Variants in CEMIP2 observed in about 807,000 individuals in gnomAD.
The protein encoded by CEMIP2 is cell surface hyaluronidase CEMIP2.
CEMIP2 carries 79 observed loss-of-function variants against 146.9 expected under a neutral mutation model. The observed-to-expected ratio is 0.54, with a 90% CI of 0.45 to 0.65. The LOEUF is 0.65. CEMIP2 is among the 30% of genes least tolerant of loss of function. The probability of loss-of-function intolerance (pLI) is 0.00; values close to 1 mark genes in which losing one functional copy is unlikely to be tolerated. For missense variants in CEMIP2, 1,596 were observed against 1,696.2 expected (o/e 0.94, Z 1.04); for synonymous variants, 601 against 606.3 (o/e 0.99, Z 0.13).
intron 20 of CEMIP2, among the ~76,000 whole-genome samples, chr9:71,694,958 C>T (rs1234637207): frequency 6.6e-6 from 1 of 152,002 alleles, no homozygotes; most frequent in African/African-American, 2.4e-5. Flanking sequence ...GACCATGGTC[C>T]CTCAGTCACT....
At chr9:71,706,323 T>C (rs780300111) in intron 17 of CEMIP2, among the ~76,000 whole-genome samples, 1 of 151,958 alleles carries the variant, frequency 6.6e-6, no homozygotes, top group Non-Finnish European at 1.5e-5. Context: ...ATCCAATTGC[T>C]CCCATTTTTG....
At chr9:71,747,040 T>C (rs1824112029) in intron 2 of CEMIP2, among the ~76,000 whole-genome samples, 1 of 152,238 alleles carries the variant, frequency 6.6e-6, no homozygotes, top group Non-Finnish European at 1.5e-5. Flanking sequence ...AGTGTTCCTT[T>C]ACTGGAATTA....
intron 1 of CEMIP2, among the ~76,000 whole-genome samples, chr9:71,763,440 T>C (rs1337126522): frequency 6.6e-6 from 1 of 152,242 alleles, no homozygotes; most frequent in Non-Finnish European, 1.5e-5. Context: ...TCTTTTCTCA[T>C]GGGCTCAATG....
At chr9:71,732,994 A>C (rs1350003903) in intron 6 of CEMIP2, among the ~76,000 whole-genome samples, 1 of 152,066 alleles carries the variant, frequency 6.6e-6, no homozygotes, top group African/African-American at 2.4e-5. Context: ...TCTGGAATCT[A>C]ATGATCTATA....
chr9:71,721,325 A>G (rs911975681), intron 12 of CEMIP2, among the ~76,000 whole-genome samples: 2 of 152,100 alleles, frequency 1.3e-5, no homozygotes, highest in African/African-American at 2.4e-5. Flanking sequence ...ATTGTCATCT[A>G]TATACTCTTT....
In CEMIP2 at chr9:71,694,545, T is replaced by C; in HGVS notation, c.3660A>G (p.Lys1220=). 2 of 1,614,018 alleles carry C rather than the reference T, an allele frequency of 1.2e-6. No individual in the cohort carries two copies. The highest frequency in any genetic ancestry group is 1.1e-5 in the South Asian group (1 of 91,062). ...ACGGGTCTCCACGCTGGGTTTCTGC[T>C]TTATCAGGTGACTGGAATTGCACAG... ...YLPVQFQSPD[K]AETQRGDPSV... Residue 1220 remains lysine (K), a synonymous_variant, in exon 21 of 24, where the codon AAA becomes AAG. Coordinates refer to ENST00000377044, the MANE Select transcript of CEMIP2 (RefSeq NM_013390.3).
At chr9:71,755,120 A>T (rs576998735) in intron 1 of CEMIP2, among the ~76,000 whole-genome samples, 27 of 152,130 alleles carry the variant, frequency 1.8e-4, no homozygotes, top group Non-Finnish European at 3.1e-4. Flanking sequence ...ATTTGGTAAT[A>T]AATTACAGTA....
At position 71,685,127 on chromosome 9, in the gene CEMIP2, T is replaced by C; in HGVS notation, c.*70A>G. The stretch of plus-strand genomic sequence containing the variant: ...GTTCCGTTGGGTTAACAGTGTCATT[T>C]TAAAATGCCATAAATTAAATAAGTT... On this transcript the variant is annotated 3_prime_UTR_variant, in exon 24 of 24. Coordinates refer to ENST00000377044, the MANE Select transcript of CEMIP2 (RefSeq NM_013390.3). The C allele has an allele frequency of 7.0e-7, 1 of 1,421,282 alleles. No individual in the cohort carries two copies. Among genetic ancestry groups the C allele is most frequent in the South Asian group, 1.6e-5 (1 of 64,514 alleles). 88.0% of individuals were successfully genotyped at this position (1,421,282 alleles called of 1,614,324 possible).
At chr9:71,735,241 T>C (rs947532233) in intron 5 of CEMIP2, among the ~76,000 whole-genome samples, 3 of 152,092 alleles carry the variant, frequency 2.0e-5, no homozygotes, top group African/African-American at 7.2e-5. Context: ...GAACACAAGA[T>C]GTCACCTTAG....
chr9:71,747,841 A>T (rs186613513), intron 2 of CEMIP2, among the ~76,000 whole-genome samples: 45 of 152,322 alleles, frequency 3.0e-4, no homozygotes, highest in African/African-American at 1.0e-3. Context: ...TAGCCTCACC[A>T]GTTATATCCT....
chr9:71,711,422 T>C (rs1822901965), intron 16 of CEMIP2, among the ~76,000 whole-genome samples: 1 of 151,344 alleles, frequency 6.6e-6, no homozygotes, highest in South Asian at 2.1e-4. Context: ...TTTTTTTAAG[T>C]AGCCAGATGT....
chr9:71,694,161 T>C (rs916648584), intron 21 of CEMIP2, among the ~76,000 whole-genome samples: 2 of 151,786 alleles, frequency 1.3e-5, no homozygotes, highest in Admixed American at 1.3e-4. Flanking sequence ...CTCACTCTGT[T>C]GCACAGGCTG....
intron 13 of CEMIP2, among the ~76,000 whole-genome samples, chr9:71,717,694 G>A (rs1002953063): frequency 9.2e-5 from 14 of 152,082 alleles, no homozygotes; most frequent in Admixed American, 2.0e-4. Context: ...TTAAATTCCC[G>A]GTTTCTGTTC....
intron 17 of CEMIP2, among the ~76,000 whole-genome samples, chr9:71,706,828 A>T (rs1005897793): frequency 7.3e-5 from 11 of 151,720 alleles, no homozygotes; most frequent in Admixed American, 2.0e-4. Context: ...TTATTTATTT[A>T]TTATTATTAT....
At position 71,718,063 on chromosome 9, in the gene CEMIP2, C is replaced by T. The variant is rs749481216; in HGVS notation, c.2284G>A (p.Asp762Asn). Residue 762 changes from aspartate to asparagine, a missense_variant, in exon 13 of 24, where the codon GAT (aspartate) becomes AAT (asparagine). Coordinates refer to ENST00000377044, the MANE Select transcript of CEMIP2 (RefSeq NM_013390.3). The part of the protein sequence containing the change: ...DNSARFRPHQ[D>N]ANPEKPRVAA... ...ACACGTGGTTTTTCGGGGTTTGCAT[C>T]CTGATGAGGTCGAAATCTAGGGGTT... The T allele has an allele frequency of 1.9e-6, 3 of 1,609,316 alleles. No homozygotes were observed. Among genetic ancestry groups the T allele is most frequent in the Non-Finnish European group, 1.7e-6 (2 of 1,177,594 alleles).
chr9:71,733,977 G>A (rs1823691956), intron 6 of CEMIP2, among the ~76,000 whole-genome samples: 1 of 152,080 alleles, frequency 6.6e-6, no homozygotes, highest in African/African-American at 2.4e-5. Flanking sequence ...CCTAGCAGCT[G>A]GGATTACAAG....
chr9:71,732,517 G>A lies in CEMIP2; in HGVS notation c.1397C>T (p.Thr466Ile), dbSNP rs1410718879. Residue 466 changes from threonine to isoleucine, a missense_variant, in exon 7 of 24, where the codon ACC becomes ATC. Physicochemically the swap from Thr to Ile is moderately conservative, Grantham distance 89 (BLOSUM62 -1). Transcript: ENST00000377044. Reference protein sequence around the residue: ...CSHFQVKVKETPQFLHMGEII... With the variant: ...CSHFQVKVKEIPQFLHMGEII... ...CTCACCCATGTGCAGGAACTGAGGGGTTTCTGGTTGATATGAGCAAGGAAA... is the reference window on the plus strand; with the variant it reads ...CTCACCCATGTGCAGGAACTGAGGGATTTCTGGTTGATATGAGCAAGGAAA... 2 of 1,585,486 alleles carry A rather than the reference G, an allele frequency of 1.3e-6. No homozygotes were observed. The highest frequency in any genetic ancestry group is 1.7e-6 in the Non-Finnish European group (2 of 1,171,956).
In CEMIP2 at chr9:71,715,625, G is replaced by GATATATATATATATATATAT. The variant is rs71790721; in HGVS notation, c.2436-556_2436-537dup. Among the ~76,000 whole-genome samples, 137 of 119,058 alleles carry GATATATATATATATATATAT rather than the reference G, an allele frequency of 1.2e-3. 2 individuals are homozygous for GATATATATATATATATATAT. The highest frequency in any genetic ancestry group is 3.2e-3 in the East Asian group (12 of 3,746). 78.1% of individuals were successfully genotyped at this position (119,058 alleles called of 152,430 possible). A position where few individuals can be genotyped will look rare whatever the true frequency, so the allele number is the denominator to read the frequency against. On this transcript the variant is annotated intron_variant, in intron 14 of 23. Transcript: ENST00000377044. ...ATATACATACATATATCCCTCTTAA[G>GATATATATATATATATATAT]ATATATATATATATATATATATACT...
intron 17 of CEMIP2, 145 bp from the exon 18 acceptor site, chr9:71,704,948 C>T (rs1200354551): frequency 2.9e-6 from 2 of 686,252 alleles, no homozygotes; most frequent in African/African-American, 1.8e-5. Context: ...CAGCCAACTA[C>T]ATCCTCAGCC....
Sources: allele counts gnomAD v4.1 joint callset (sites outside exome capture counted in the v4.1 genomes callset), GRCh38; gene constraint gnomAD v4.1.1; transcripts MANE v1.5; gene names NCBI Gene and HGNC (gene_info 2026-07-23, HGNC 2026-07-21).